COL5A1: variants seen among roughly 807,000 people sequenced by gnomAD.
COL5A1 encodes the protein collagen type V alpha 1 chain.
Under a neutral mutation model 263.7 loss-of-function variants are expected in COL5A1, and 16 were observed. The observed-to-expected ratio is 0.06, with a 90% CI of 0.04 to 0.09. The LOEUF (loss-of-function observed/expected upper bound fraction) is 0.09. Among genes scored for constraint, COL5A1 ranks in the 10% least tolerant of loss-of-function variants. The probability of loss-of-function intolerance (pLI) is 1.00; values close to 1 mark genes in which losing one functional copy is unlikely to be tolerated. For missense variants in COL5A1, 2,036 were observed against 2,540.5 expected, an observed-to-expected ratio of 0.80 and a Z score of 4.27; for synonymous variants, 1,012 against 1,004.5, an observed-to-expected ratio of 1.01 and a Z score of -0.14.
intron 23 of COL5A1, 96 bp downstream of exon 23, chr9:134,767,149 C>A: frequency 6.7e-7 from 1 of 1,485,206 alleles, no homozygotes; most frequent in Non-Finnish European, 9.3e-7. Context: ...GAGCTCTGTC[C>A]CCTCCAAGTA....
In COL5A1 at chr9:134,693,478, G is replaced by A. The variant is rs562116185; in HGVS notation, c.277+2399G>A. 3.3e-5 allele frequency among the ~76,000 whole-genome samples: 5 copies of A among 152,232 alleles called. No homozygotes were observed. In the East Asian group the frequency reaches 9.7e-4, roughly 29 times the overall value. On this transcript the variant is annotated intron_variant, in intron 2 of 65. Coordinates refer to ENST00000371817, the MANE Select transcript of COL5A1 (RefSeq NM_000093.5). ...CTTCTGTGAATTAGCTTACAGAGTAGAGTGGGTCCACATAAGCCAATTGCC... is the reference window on the plus strand; with the variant it reads ...CTTCTGTGAATTAGCTTACAGAGTAAAGTGGGTCCACATAAGCCAATTGCC...
intron 63 of COL5A1, among the ~76,000 whole-genome samples, chr9:134,827,667 C>A (rs909277258): frequency 2.6e-5 from 4 of 152,236 alleles, no homozygotes; most frequent in Admixed American, 2.6e-4. Context: ...CGACCCCAGG[C>A]TCCCCCAGTG....
intron 2 of COL5A1, chr9:134,691,813 G>A (rs1303260596): frequency 2.0e-5 from 3 of 152,652 alleles, no homozygotes; most frequent in African/African-American, 4.8e-5. Flanking sequence ...AGAAAGGGAC[G>A]GGGGATGTAG....
intron 1 of COL5A1, among the ~76,000 whole-genome samples, chr9:134,655,725 G>A (rs1422061384): frequency 6.6e-6 from 1 of 152,144 alleles, no homozygotes; most frequent in African/African-American, 2.4e-5. Flanking sequence ...TGCCACAGGA[G>A]ACAGGAATGT....
rs752367004 is a variant in COL5A1, at chr9:134,789,220, C to T, written c.2700+12C>T. ...AGAAGGGCGGCAGGGTAAGGATAGC[C>T]TGGCCCCTGGGCAGGCAGCTTGTTC... On this transcript the variant is annotated intron_variant, in intron 32 of 65. Transcript: ENST00000371817. The surrounding 1 kb of genome is among the most constrained non-coding windows in gnomAD (Gnocchi z 4.8). 2 of 1,612,012 alleles carry T rather than the reference C, an allele frequency of 1.2e-6. No individual in the cohort carries two copies. Among genetic ancestry groups the T allele is most frequent in the Middle Eastern group, 1.6e-4 (1 of 6,062 alleles).
chr9:134,733,456 C>T (rs549607479), intron 9 of COL5A1, among the ~76,000 whole-genome samples: 5 of 152,284 alleles, frequency 3.3e-5, no homozygotes, highest in East Asian at 1.9e-4. Context: ...TGGGACCTGC[C>T]GGTGCCTACA....
chr9:134,685,137 T>TCCAC (rs1410872881), intron 1 of COL5A1, among the ~76,000 whole-genome samples: 7 of 99,038 alleles, frequency 7.1e-5, no homozygotes, highest in South Asian at 3.8e-4. Context: ...CATCCATCCA[T>TCCAC]CATCCTCCCA....
intron 1 of COL5A1, among the ~76,000 whole-genome samples, chr9:134,658,660 G>A (rs1832103044): frequency 6.6e-6 from 1 of 152,210 alleles, no homozygotes; most frequent in Non-Finnish European, 1.5e-5. Flanking sequence ...GGGTCTTAAT[G>A]GAAGCCGACG....
intron 4 of COL5A1, among the ~76,000 whole-genome samples, chr9:134,702,711 T>C (rs1344751338): frequency 6.6e-6 from 1 of 152,234 alleles, no homozygotes; most frequent in Non-Finnish European, 1.5e-5. Context: ...GGGGACCACG[T>C]AGTGTCACTG....
rs1835914289 is a variant in COL5A1, at chr9:134,754,832, G to A, written c.1827+506G>A. On this transcript the variant is annotated intron_variant, in intron 16 of 65. Coordinates refer to ENST00000371817, the MANE Select transcript of COL5A1 (RefSeq NM_000093.5). This position sits in a 1 kb window ranked among gnomAD's most constrained non-coding sequence, Gnocchi z 4.3. ...AAAAGAGGACACACGTTTCCCGAGT[G>A]CTGACCACCACCCAGACAGGCTGGG... Among the ~76,000 whole-genome samples the A allele has an allele frequency of 6.6e-6, 1 of 152,190 alleles. No homozygotes were observed. The highest frequency in any genetic ancestry group is 6.5e-5 in the Admixed American group (1 of 15,276).
chr9:134,809,856 C>G (rs948001928), intron 43 of COL5A1, among the ~76,000 whole-genome samples: 2 of 152,172 alleles, frequency 1.3e-5, no homozygotes, highest in South Asian at 2.1e-4. Flanking sequence ...ATGGATAATG[C>G]CTTACATCTC....
chr9:134,754,317 C>A lies in COL5A1; in HGVS notation c.1818C>A (p.Pro606=), dbSNP rs761257919. The A allele has an allele frequency of 6.2e-7, 1 of 1,613,916 alleles. No individual in the cohort carries two copies. The highest frequency in any genetic ancestry group is 1.3e-5 in the African/African-American group (1 of 74,942). ...VQGPPGPAGK[P]GRRGRAGSDG... is the part of the protein sequence containing the mutation. The stretch of plus-strand genomic sequence containing the variant: ...GCCCGCCTGGTCCGGCCGGGAAGCC[C>A]GGAAGACGGGTGAGTGGTGCGAGTG... The change falls in exon 16 of 66, where the codon CCC becomes CCA. Residue 606 remains proline (P), a synonymous_variant. Coordinates refer to ENST00000371817, the MANE Select transcript of COL5A1 (RefSeq NM_000093.5). This position sits in a 1 kb window ranked among gnomAD's most constrained non-coding sequence, Gnocchi z 4.3.
chr9:134,746,140 G>T (rs1385600276), intron 11 of COL5A1, among the ~76,000 whole-genome samples: 1 of 152,200 alleles, frequency 6.6e-6, no homozygotes, highest in Admixed American at 6.5e-5. Flanking sequence ...GGTCATGCAC[G>T]TACGTGTTCT....
In COL5A1 at chr9:134,728,622, G is replaced by A. The variant is rs373479369; in HGVS notation, c.787-48G>A. On this transcript the variant is annotated intron_variant, in intron 5 of 65. Transcript: ENST00000371817. Reference sequence around the variant, plus strand: ...CGGAAGGAAGGACAGCAGGCTGGTCGCTCTGCGGGCTCCGCTGCTTCCTCA... The same window carrying A: ...CGGAAGGAAGGACAGCAGGCTGGTCACTCTGCGGGCTCCGCTGCTTCCTCA... 408 of 1,612,364 alleles carry A rather than the reference G, an allele frequency of 2.5e-4. 2 individuals are homozygous for A. The highest frequency in any genetic ancestry group is 2.5e-3 in the South Asian group (230 of 91,066).
At chr9:134,760,257 CCACACTG>C (rs1836295139) in intron 18 of COL5A1, among the ~76,000 whole-genome samples, 1 of 110,262 alleles carries the variant, frequency 9.1e-6, no homozygotes, top group Non-Finnish European at 1.7e-5. Context: ...CCCACACACC[CCACACTG>C]ATACACACAT....
At chr9:134,812,239 A>G (rs1373614493) in intron 46 of COL5A1, among the ~76,000 whole-genome samples, 1 of 152,098 alleles carries the variant, frequency 6.6e-6, no homozygotes, top group African/African-American at 2.4e-5. Flanking sequence ...TTTGTCGTAA[A>G]TCTTTGCAAT....
At position 134,818,715 on chromosome 9, in the gene COL5A1, C is replaced by G. The variant is rs368011067; in HGVS notation, c.4290C>G (p.Ala1430=). Residue 1430 remains alanine, a synonymous_variant, in exon 55 of 66, where the codon GCC becomes GCG. Transcript: ENST00000371817. The surrounding 1 kb of genome is among the most constrained non-coding windows in gnomAD (Gnocchi z 6.0). Reference sequence around the variant, plus strand: ...CTGGCCCCATCGGCCCCCAGGGGGCCCCTGGGAAGCCCGGACCGGATGGCC... The same window carrying G: ...CTGGCCCCATCGGCCCCCAGGGGGCGCCTGGGAAGCCCGGACCGGATGGCC... The part of the protein sequence containing the change: ...GKTGPIGPQG[A]PGKPGPDGLR... 1 of 1,611,126 alleles carries G rather than the reference C, an allele frequency of 6.2e-7. No individual in the cohort carries two copies. Among genetic ancestry groups the G allele is most frequent in the Non-Finnish European group, 8.5e-7 (1 of 1,179,170 alleles).
At chr9:134,649,694 A>G in intron 1 of COL5A1, 1 of 357,154 alleles carries the variant, frequency 2.8e-6, no homozygotes, top group Non-Finnish European at 5.4e-6. Context: ...TATATACCCA[A>G]AGGATTATAA....
At chr9:134,733,330 T>C (rs1834973308) in intron 9 of COL5A1, among the ~76,000 whole-genome samples, 1 of 152,198 alleles carries the variant, frequency 6.6e-6, no homozygotes, top group South Asian at 2.1e-4. Flanking sequence ...ACGGGATGTG[T>C]CCCATCTCTG....
Sources: allele counts gnomAD v4.1 joint callset (sites outside exome capture counted in the v4.1 genomes callset), GRCh38; gene constraint gnomAD v4.1.1; non-coding constraint Gnocchi (gnomAD v3.1); transcripts MANE v1.5; gene names NCBI Gene and HGNC (gene_info 2026-07-23, HGNC 2026-07-21).